The following SV2C variants were observed in gnomAD, a reference collection of about 807,000 sequenced individuals.
The protein encoded by SV2C is synaptic vesicle glycoprotein 2C.
Under a neutral mutation model 79.7 loss-of-function variants are expected in SV2C, and 49 were observed. The observed-to-expected ratio is 0.61, with a 90% CI of 0.49 to 0.78. The LOEUF is 0.78. SV2C is among the 30% of genes least tolerant of loss of function. The pLI, the probability that SV2C is intolerant of heterozygous loss-of-function variation, is 0.00. For missense variants in SV2C, 833 were observed against 912.9 expected, an observed-to-expected ratio of 0.91 and a Z score of 1.13; for synonymous variants, 334 against 333.2, an observed-to-expected ratio of 1.00 and a Z score of -0.03.
chr5:75,923,470 A>G, the SV2C span, among the ~76,000 whole-genome samples: 1 of 152,354 alleles, frequency 6.6e-6, no homozygotes, highest in South Asian at 2.1e-4. Context: ...AATAATCAGC[A>G]GAGTAAACAG....
chr5:76,065,839 A>G, the SV2C span, among the ~76,000 whole-genome samples: 1 of 152,214 alleles, frequency 6.6e-6, no homozygotes, highest in Admixed American at 6.5e-5. Context: ...GTTAGAAATA[A>G]CACTGCATTG....
chr5:76,030,956 T>C, the SV2C span, among the ~76,000 whole-genome samples: 1 of 152,140 alleles, frequency 6.6e-6, no homozygotes, highest in South Asian at 2.1e-4. Context: ...TTTCAACAAT[T>C]TTTTTCTGTT....
intron 1 of SV2C, among the ~76,000 whole-genome samples, chr5:76,098,965 T>A (rs1377252564): frequency 6.6e-6 from 1 of 152,206 alleles, no homozygotes; most frequent in East Asian, 1.9e-4. Flanking sequence ...GAGCCAAGAT[T>A]AAAGGGATGC....
chr5:75,973,201 G>A, the SV2C span, among the ~76,000 whole-genome samples: 1 of 151,970 alleles, frequency 6.6e-6, no homozygotes, highest in Non-Finnish European at 1.5e-5. Context: ...GGGAGGGATA[G>A]CATTAGGAGA....
At chr5:76,142,146 A>G (rs1190483246) in intron 2 of SV2C, among the ~76,000 whole-genome samples, 1 of 152,192 alleles carries the variant, frequency 6.6e-6, no homozygotes, top group Non-Finnish European at 1.5e-5. Context: ...TAACACACAT[A>G]TTTGCAAACC....
the SV2C span, among the ~76,000 whole-genome samples, chr5:76,042,485 TA>T: frequency 6.6e-6 from 1 of 152,228 alleles, no homozygotes; most frequent in Non-Finnish European, 1.5e-5. Flanking sequence ...AAACTATTTT[TA>T]AGGAGGTCAT....
chr5:76,069,698 C>T, the SV2C span, among the ~76,000 whole-genome samples: 3 of 152,150 alleles, frequency 2.0e-5, no homozygotes, highest in Admixed American at 2.0e-4. Flanking sequence ...CATCTCCTGG[C>T]TCCTGTCTTT....
the SV2C span, among the ~76,000 whole-genome samples, chr5:76,038,166 C>T: frequency 2.0e-5 from 3 of 152,202 alleles, no homozygotes; most frequent in Non-Finnish European, 4.4e-5. Context: ...GAGATGAACC[C>T]GGTACCTCAG....
downstream of SV2C, among the ~76,000 whole-genome samples, chr5:76,334,858 C>T (rs2112580266): frequency 6.6e-6 from 1 of 152,202 alleles, no homozygotes; most frequent in African/African-American, 2.4e-5. Context: ...TGTAAGGGGC[C>T]CAGTCTCTCC....
At chr5:76,235,648 C>T (rs1296830105) in intron 4 of SV2C, among the ~76,000 whole-genome samples, 2 of 151,564 alleles carry the variant, frequency 1.3e-5, no homozygotes, top group African/African-American at 2.4e-5. Context: ...CCCAGGCTAT[C>T]GATTTCACAT....
chr5:75,848,068 A>C, the SV2C span, among the ~76,000 whole-genome samples: 1 of 152,194 alleles, frequency 6.6e-6, no homozygotes, highest in South Asian at 2.1e-4. Flanking sequence ...AGTTTTTCCT[A>C]GGGATCCAGT....
At chr5:76,276,175 G>C (rs1205608603) in intron 4 of SV2C, among the ~76,000 whole-genome samples, 1 of 152,192 alleles carries the variant, frequency 6.6e-6, no homozygotes, top group Non-Finnish European at 1.5e-5. Flanking sequence ...TCAAAAGCAG[G>C]TCCTGAGAAT....
chr5:76,193,377 T>A (rs1016585976), intron 2 of SV2C, among the ~76,000 whole-genome samples: 2 of 152,126 alleles, frequency 1.3e-5, no homozygotes, highest in African/African-American at 4.8e-5. Flanking sequence ...TTGGTTAACC[T>A]GCCTTGCCCC....
At chr5:75,965,864 C>A in the SV2C span, among the ~76,000 whole-genome samples, 10 of 152,064 alleles carry the variant, frequency 6.6e-5, no homozygotes, top group Admixed American at 2.6e-4. Flanking sequence ...AAGTACATAG[C>A]ATAATTTTAC....
At chr5:76,270,279 T>C (rs915061518) in intron 4 of SV2C, among the ~76,000 whole-genome samples, 5 of 152,242 alleles carry the variant, frequency 3.3e-5, no homozygotes, top group African/African-American at 1.2e-4. Flanking sequence ...GGATGTTTTA[T>C]TTTTCCAGAA....
intron 1 of SV2C, among the ~76,000 whole-genome samples, chr5:76,111,983 A>G (rs1047847910): frequency 1.3e-5 from 2 of 152,214 alleles, no homozygotes; most frequent in Non-Finnish European, 2.9e-5. Flanking sequence ...CCACATTTGC[A>G]TATCAAAGGC....
chr5:76,253,769 A>G (rs1561284748), intron 4 of SV2C, among the ~76,000 whole-genome samples: 1 of 151,966 alleles, frequency 6.6e-6, no homozygotes. Flanking sequence ...TTGTGAAATC[A>G]ATGTTTCTTA....
intron 10 of SV2C, among the ~76,000 whole-genome samples, chr5:76,299,385 A>C (rs1747903725): frequency 1.3e-5 from 2 of 152,246 alleles, no homozygotes; most frequent in Admixed American, 1.3e-4. Context: ...GCAAACAAGC[A>C]TTGATTGAAC....
chr5:75,889,542 A>G, the SV2C span, among the ~76,000 whole-genome samples: 1 of 152,166 alleles, frequency 6.6e-6, no homozygotes, highest in East Asian at 1.9e-4. Flanking sequence ...GCTATTGTAA[A>G]TAGTCCTGCA....
Sources: allele counts gnomAD v4.1 joint callset (sites outside exome capture counted in the v4.1 genomes callset), GRCh38; gene constraint gnomAD v4.1.1; transcripts MANE v1.5; gene names NCBI Gene and HGNC (gene_info 2026-07-23, HGNC 2026-07-21).